The following SIPA1L1 variants were observed in gnomAD, a reference collection of about 807,000 sequenced individuals.
SIPA1L1 encodes the protein signal-induced proliferation-associated 1-like protein 1.
SIPA1L1 carries 26 observed loss-of-function variants against 162.7 expected under a neutral mutation model. The observed-to-expected ratio is 0.16, with a 90% CI of 0.12 to 0.22. SIPA1L1 has a LOEUF of 0.22. SIPA1L1 is among the 10% of genes least tolerant of loss of function. The pLI, the probability that SIPA1L1 is intolerant of heterozygous loss-of-function variation, is 1.00. For missense variants in SIPA1L1, 1,874 were observed against 2,241.0 expected (o/e 0.84, Z 3.31); for synonymous variants, 829 against 837.4 (o/e 0.99, Z 0.17).
At chr14:71,434,011 G>GTCT (rs2141018346) in intron 2 of SIPA1L1, among the ~76,000 whole-genome samples, 1 of 152,224 alleles carries the variant, frequency 6.6e-6, no homozygotes, top group East Asian at 1.9e-4. Flanking sequence ...TTTGTCCTTT[G>GTCT]CTTTTCTCTT....
intron 13 of SIPA1L1, among the ~76,000 whole-genome samples, chr14:71,687,839 C>T (rs2080982585): frequency 6.6e-6 from 1 of 152,130 alleles, no homozygotes; most frequent in African/African-American, 2.4e-5. Context: ...ACTCTCTAAG[C>T]TGCAGAGGTG....
chr14:71,578,726 G>A (rs1209288302), intron 4 of SIPA1L1, among the ~76,000 whole-genome samples: 4 of 152,188 alleles, frequency 2.6e-5, no homozygotes, highest in African/African-American at 7.2e-5. Flanking sequence ...TCTGTCTGAC[G>A]TGGCAGGCAA....
At chr14:71,356,982 T>C (rs2037336818) in intron 2 of SIPA1L1, among the ~76,000 whole-genome samples, 1 of 152,132 alleles carries the variant, frequency 6.6e-6, no homozygotes, top group Non-Finnish European at 1.5e-5. Context: ...TGAAGAATAT[T>C]GAAGAATGAA....
rs111744144 is a variant in SIPA1L1, at chr14:71,558,836, G to A, written c.-302-28735G>A. Among the ~76,000 whole-genome samples the A allele has an allele frequency of 8.8e-4, 134 of 152,078 alleles. 1 individual carries two copies. The highest frequency in any genetic ancestry group is 3.1e-3 in the African/African-American group (130 of 41,460). On this transcript the variant is annotated intron_variant, in intron 4 of 23. Coordinates refer to ENST00000381232, the MANE Select transcript of SIPA1L1 (RefSeq NM_001386936.1). Reference sequence around the variant, plus strand: ...ATAGCTGAGACTACAGGTGCACGCCGCTACACTTGGCTAAGTTTCTTATTT... The same window carrying A: ...ATAGCTGAGACTACAGGTGCACGCCACTACACTTGGCTAAGTTTCTTATTT...
intron 17 of SIPA1L1, among the ~76,000 whole-genome samples, chr14:71,721,186 G>A (rs1377190997): frequency 6.6e-6 from 1 of 152,188 alleles, no homozygotes; most frequent in Non-Finnish European, 1.5e-5. Context: ...GTCCAGGAAC[G>A]CTTTGACTCA....
At chr14:71,705,076 A>G in intron 15 of SIPA1L1, 146 bp from the exon 16 acceptor site, 1 of 673,974 alleles carries the variant, frequency 1.5e-6, no homozygotes, top group Non-Finnish European at 2.6e-6. Context: ...GCTGTCTATC[A>G]AATAGACTCT....
intron 2 of SIPA1L1, among the ~76,000 whole-genome samples, chr14:71,492,318 A>G (rs759107452): frequency 2.6e-5 from 4 of 152,160 alleles, no homozygotes; most frequent in East Asian, 1.9e-4. Context: ...TTTAATCTTC[A>G]ATATAGCCGT....
intron 4 of SIPA1L1, among the ~76,000 whole-genome samples, chr14:71,547,335 C>T (rs1186853787): frequency 5.0e-5 from 6 of 119,002 alleles, no homozygotes; most frequent in African/African-American, 6.6e-5. Flanking sequence ...CTCGCTCTGT[C>T]GAGGCTGGAG....
At position 71,658,314 on chromosome 14, in the gene SIPA1L1, A is replaced by G. The variant is rs377295494; in HGVS notation, c.1994-19A>G. ...TTCCTGTTATAGTCATCTCATCATT[A>G]TATTTTTTTTAACTGTAGCTGACTC... On this transcript the variant is annotated intron_variant, in intron 8 of 23. Transcript: ENST00000381232. 7 of 1,225,452 alleles carry G rather than the reference A, an allele frequency of 5.7e-6. No individual in the cohort carries two copies. Among genetic ancestry groups the G allele is most frequent in the Admixed American group, 1.7e-5 (1 of 58,150 alleles). The allele number at this position is 1,225,452 out of a possible 1,614,324, so 75.9% of individuals were successfully genotyped here.
intron 2 of SIPA1L1, among the ~76,000 whole-genome samples, chr14:71,495,506 T>TG (rs1486331789): frequency 9.2e-5 from 14 of 151,514 alleles, no homozygotes; most frequent in Non-Finnish European, 1.9e-4. Flanking sequence ...TTGGTAATTT[T>TG]GGGGGGGATA....
intron 2 of SIPA1L1, among the ~76,000 whole-genome samples, chr14:71,439,104 C>CT (rs1359682907): frequency 1.9e-4 from 29 of 152,216 alleles, no homozygotes; most frequent in Non-Finnish European, 2.8e-4. Context: ...ATCACTCTAA[C>CT]CCAGGAAGAC....
intron 3 of SIPA1L1, among the ~76,000 whole-genome samples, chr14:71,520,343 T>G (rs754918175): frequency 9.9e-5 from 15 of 152,212 alleles, no homozygotes; most frequent in Non-Finnish European, 1.0e-4. Flanking sequence ...TAGGATGCCA[T>G]GAGAACACAG....
chr14:71,617,352 A>C (rs1166973209), intron 5 of SIPA1L1, among the ~76,000 whole-genome samples: 1 of 152,238 alleles, frequency 6.6e-6, no homozygotes, highest in South Asian at 2.1e-4. Context: ...TGTGCAAAGT[A>C]AGAGTAAATA....
chr14:71,330,609 C>G lies in SIPA1L1; in HGVS notation c.-465+9428C>G. 3.0e-6 allele frequency: 3 copies of G among 986,396 alleles called. No homozygotes were observed. In the Admixed American group the frequency reaches 5.1e-5, roughly 17 times the overall value. 61.1% of individuals were successfully genotyped at this position (986,396 alleles called of 1,614,324 possible). A position where few individuals can be genotyped will look rare whatever the true frequency, so the allele number is the denominator to read the frequency against. On this transcript the variant is annotated intron_variant, in intron 2 of 23. Transcript: ENST00000381232. ...CCAACTGAGCTTCAGGAGGCTTCTTCAGTGTGATGGTTTGGGGCGGAAACT... is the reference window on the plus strand; with the variant it reads ...CCAACTGAGCTTCAGGAGGCTTCTTGAGTGTGATGGTTTGGGGCGGAAACT...
chr14:71,536,422 T>C (rs187979941), intron 4 of SIPA1L1, among the ~76,000 whole-genome samples: 226 of 152,326 alleles, frequency 1.5e-3, no homozygotes, highest in African/African-American at 5.2e-3. Flanking sequence ...CTTGAAGCCA[T>C]TGTGGTATAA....
intron 8 of SIPA1L1, among the ~76,000 whole-genome samples, chr14:71,653,207 C>G (rs907086310): frequency 6.6e-6 from 1 of 152,164 alleles, no homozygotes; most frequent in African/African-American, 2.4e-5. Context: ...ACTTTTCTTG[C>G]ACCTCAGTAC....
At chr14:71,641,704 T>C (rs915530383) in intron 7 of SIPA1L1, among the ~76,000 whole-genome samples, 2 of 152,052 alleles carry the variant, frequency 1.3e-5, no homozygotes, top group Non-Finnish European at 2.9e-5. Context: ...GCCTGGGTGA[T>C]AGAGCGAGAC....
chr14:71,421,864 A>G (rs1194000058), intron 2 of SIPA1L1, among the ~76,000 whole-genome samples: 1 of 152,176 alleles, frequency 6.6e-6, no homozygotes, highest in Admixed American at 6.5e-5. Flanking sequence ...CTGAAAGTAG[A>G]GGGAGGTAAA....
At chr14:71,446,894 G>GGTTTTTTTTTTT (rs2045394010) in intron 2 of SIPA1L1, among the ~76,000 whole-genome samples, 2 of 87,406 alleles carry the variant, frequency 2.3e-5, no homozygotes, top group African/African-American at 8.7e-5. Context: ...GATGGGCTCT[G>GGTTTTTTTTTTT]TTTTTTTTTT....
Sources: allele counts gnomAD v4.1 joint callset (sites outside exome capture counted in the v4.1 genomes callset), GRCh38; gene constraint gnomAD v4.1.1; transcripts MANE v1.5; gene names NCBI Gene and HGNC (gene_info 2026-07-23, HGNC 2026-07-21).